The following RNF13 variants were observed in gnomAD, a reference collection of about 807,000 sequenced individuals.
RNF13 encodes ring finger protein 13.
RNF13 carries 19 observed loss-of-function variants against 37.7 expected under a neutral mutation model. That is an observed-to-expected ratio of 0.50 (90% CI 0.35 to 0.74). The LOEUF (loss-of-function observed/expected upper bound fraction) is 0.74, where lower values mean the gene tolerates loss of function less well. Ranked by LOEUF, RNF13 falls within the 30% of genes least tolerant of loss-of-function variation. The pLI is 0.01. For synonymous variants in RNF13, 144 were observed against 157.8 expected (o/e 0.91, Z 0.65); for missense variants, 375 against 453.0 (o/e 0.83, Z 1.56).
At chr3:149,955,784 T>C (rs1474635048) in intron 8 of RNF13, among the ~76,000 whole-genome samples, 1 of 152,182 alleles carries the variant, frequency 6.6e-6, no homozygotes, top group Non-Finnish European at 1.5e-5. Context: ...ATCTTTTACT[T>C]TGAGGAAACC....
At chr3:149,816,763 A>G (rs1365050481) in intron 1 of RNF13, among the ~76,000 whole-genome samples, 1 of 152,048 alleles carries the variant, frequency 6.6e-6, no homozygotes, top group Non-Finnish European at 1.5e-5. Context: ...TTAAGAAGAA[A>G]CTCTCTTTAT....
At chr3:149,939,290 A>G (rs547867698) in intron 8 of RNF13, 5 of 467,824 alleles carry the variant, frequency 1.1e-5, no homozygotes, top group African/African-American at 1.0e-4. Flanking sequence ...CAAAATCATC[A>G]TCATCGTCAT....
rs184729232 is a variant in RNF13 at position 149,818,314 on chromosome 3, G to A, written c.-17+4961G>A. Among the ~76,000 whole-genome samples, 8 of 152,158 alleles carry A rather than the reference G, an allele frequency of 5.3e-5. No homozygotes were observed. In the East Asian group the frequency reaches 5.8e-4, roughly 11 times the overall value. ...AATAGACGGTAATTAGATTTTTCTCGTACTATGTATTTGTACCTATTTAAG... is the reference window on the plus strand; with the variant it reads ...AATAGACGGTAATTAGATTTTTCTCATACTATGTATTTGTACCTATTTAAG... On this transcript the variant is annotated intron_variant, in intron 1 of 9. Transcript: ENST00000392894.
intron 1 of RNF13, among the ~76,000 whole-genome samples, chr3:149,836,136 C>CA (rs1263248850): frequency 1.9e-4 from 29 of 152,210 alleles, no homozygotes; most frequent in African/African-American, 6.7e-4. Flanking sequence ...TTTCTCTGAT[C>CA]ACTAGTGATG....
In RNF13 at chr3:149,886,132, G is replaced by T. The variant is rs185736811; in HGVS notation, c.322-9341G>T. Among the ~76,000 whole-genome samples the T allele has an allele frequency of 1.2e-3, 177 of 152,256 alleles. 1 individual carries two copies. Among genetic ancestry groups the T allele is most frequent in the African/African-American group, 4.0e-3 (166 of 41,562 alleles). ...GCATCATGCTGTTTTGGTTACTATA[G>T]CTGTGTAGTATAATTTGAAGTCAGG... On this transcript the variant is annotated intron_variant, in intron 4 of 9. Transcript: ENST00000392894.
In RNF13 at chr3:149,933,584, TC is replaced by T. The variant is rs1318371157; in HGVS notation, c.700+12358del. Among the ~76,000 whole-genome samples, 11 of 141,678 alleles carry T rather than the reference TC, an allele frequency of 7.8e-5. No homozygotes were observed. The South Asian group carries it at 2.3e-3, about 30-fold the overall frequency. The allele number at this position is 141,678 out of a possible 152,430, so 92.9% of individuals were successfully genotyped here. On this transcript the variant is annotated intron_variant, in intron 8 of 9. Coordinates refer to ENST00000392894, the MANE Select transcript of RNF13 (RefSeq NM_183381.3). ...AGTTCTAACAGTTTCTTTTCTTTCT[TC>T]TTTTTTTTTTTTTTTTGAGATGGAG...
At chr3:149,860,270 A>AATATATATAT (rs1186058605) in intron 3 of RNF13, among the ~76,000 whole-genome samples, 6 of 104,108 alleles carry the variant, frequency 5.8e-5, no homozygotes, top group African/African-American at 2.5e-4. Flanking sequence ...AAAAAAAAAA[A>AATATATATAT]ATATATATAT....
chr3:149,854,375 T>G (rs1723441021), intron 3 of RNF13, among the ~76,000 whole-genome samples: 2 of 152,234 alleles, frequency 1.3e-5, no homozygotes, highest in South Asian at 2.1e-4. Flanking sequence ...ATATTATCAG[T>G]GATTTTACAG....
At chr3:149,911,450 G>C (rs1371043802) in intron 6 of RNF13, among the ~76,000 whole-genome samples, 1 of 152,176 alleles carries the variant, frequency 6.6e-6, no homozygotes, top group African/African-American at 2.4e-5. Context: ...CTGAGGTCAA[G>C]AATTCAAGAC....
intron 6 of RNF13, among the ~76,000 whole-genome samples, chr3:149,909,356 C>A (rs999252184): frequency 6.6e-6 from 1 of 151,212 alleles, no homozygotes; most frequent in Non-Finnish European, 1.5e-5. Flanking sequence ...CTCACTGCAA[C>A]CTCCGCCTCC....
upstream of RNF13, chr3:149,812,808 C>T (rs1719034989): frequency 6.5e-6 from 1 of 152,934 alleles, no homozygotes; most frequent in Admixed American, 6.5e-5. Context: ...TCTTGGGCTA[C>T]TCTGTCCCAA....
At chr3:149,880,036 A>T (rs1713202141) in intron 4 of RNF13, among the ~76,000 whole-genome samples, 2 of 152,232 alleles carry the variant, frequency 1.3e-5, no homozygotes, top group Non-Finnish European at 2.9e-5. Flanking sequence ...AGAAACAATT[A>T]ACAGGCAGTA....
At chr3:149,920,785 C>G (rs893556224) in intron 7 of RNF13, among the ~76,000 whole-genome samples, 61 of 129,766 alleles carry the variant, frequency 4.7e-4, no homozygotes, top group Admixed American at 1.1e-3. Context: ...ATCAACCTTC[C>G]CATTCTTTTT....
At chr3:149,867,485 T>C (rs1711512977) in intron 3 of RNF13, among the ~76,000 whole-genome samples, 1 of 151,642 alleles carries the variant, frequency 6.6e-6, no homozygotes, top group Non-Finnish European at 1.5e-5. Flanking sequence ...CAGGATGGTG[T>C]TGATCTCTTG....
intron 4 of RNF13, among the ~76,000 whole-genome samples, chr3:149,887,377 A>G (rs1467842011): frequency 6.6e-6 from 1 of 152,202 alleles, no homozygotes; most frequent in East Asian, 1.9e-4. Flanking sequence ...CCATCCAACA[A>G]CAGATGTTGA....
At chr3:149,889,361 G>A (rs896813590) in intron 4 of RNF13, among the ~76,000 whole-genome samples, 1 of 149,032 alleles carries the variant, frequency 6.7e-6, no homozygotes. Context: ...CTGGAGTGCA[G>A]TGGCGTGATC....
intron 1 of RNF13, chr3:149,845,800 G>A (rs1256646162): frequency 4.8e-6 from 2 of 414,940 alleles, no homozygotes; most frequent in Non-Finnish European, 8.6e-6. Context: ...GTCATCATGA[G>A]TTACATAGGT....
chr3:149,954,178 G>A (rs1721627443), intron 8 of RNF13, among the ~76,000 whole-genome samples: 1 of 151,936 alleles, frequency 6.6e-6, no homozygotes, highest in Non-Finnish European at 1.5e-5. Context: ...GTTTTGACAA[G>A]GTATATACAC....
At chr3:149,831,748 G>A (rs1459007749) in intron 1 of RNF13, among the ~76,000 whole-genome samples, 1 of 152,024 alleles carries the variant, frequency 6.6e-6, no homozygotes, top group African/African-American at 2.4e-5. Flanking sequence ...GGGTCCAGGG[G>A]CAGGTATTTC....
Sources: gnomAD v4.1 joint callset for allele counts (sites outside exome capture counted in the v4.1 genomes callset) on GRCh38, gnomAD v4.1.1 for gene constraint, MANE v1.5 for transcripts, NCBI Gene and HGNC (gene_info 2026-07-23, HGNC 2026-07-21) for gene names.